The following USP32 variants were observed in gnomAD, a reference collection of about 807,000 sequenced individuals.
USP32 encodes the protein ubiquitin carboxyl-terminal hydrolase 32.
USP32 carries 59 observed loss-of-function variants against 204.8 expected under a neutral mutation model. That is an observed-to-expected ratio of 0.29 (90% CI 0.23 to 0.36). The LOEUF is 0.36. USP32 is among the 10% of genes least tolerant of loss of function. The pLI, the probability that USP32 is intolerant of heterozygous loss-of-function variation, is 1.00. For missense variants in USP32, 1,160 were observed against 1,946.4 expected (o/e 0.60, Z 7.60); for synonymous variants, 517 against 678.4 (o/e 0.76, Z 3.70).
chr17:60,288,578 G>A lies in USP32; in HGVS notation c.516C>T (p.Leu172=). The part of the protein sequence containing the change: ...WLLSGGVYVT[L]TDDSDTPTFY... The stretch of plus-strand genomic sequence containing the variant: ...AAGTAGGAGTATCACTATCATCAGT[G>A]AGGGTAACATACACACCTCCAGATA... Residue 172 remains leucine, a synonymous_variant, in exon 5 of 34, where the codon CTC becomes CTT. Coordinates refer to ENST00000300896, the MANE Select transcript of USP32 (RefSeq NM_032582.4). The A allele has an allele frequency of 6.2e-7, 1 of 1,612,950 alleles. No individual in the cohort carries two copies. Among genetic ancestry groups the A allele is most frequent in the South Asian group, 1.1e-5 (1 of 90,932 alleles).
chr17:60,279,654 T>C (rs1439136575), intron 5 of USP32, among the ~76,000 whole-genome samples: 1 of 151,460 alleles, frequency 6.6e-6, no homozygotes, highest in Non-Finnish European at 1.5e-5. Flanking sequence ...CCGGGCAACA[T>C]GGTAAAACCC....
intron 2 of USP32, chr17:60,304,908 A>C (rs942320596): frequency 6.6e-6 from 1 of 152,226 alleles, no homozygotes; most frequent in Non-Finnish European, 1.5e-5. Context: ...GTTATTTACC[A>C]GTATTAAGCC....
chr17:60,288,025 A>G (rs2087163439), intron 5 of USP32, among the ~76,000 whole-genome samples: 2 of 139,022 alleles, frequency 1.4e-5, no homozygotes, highest in African/African-American at 2.7e-5. Context: ...GAGGCAGGAG[A>G]ATGGCGTGAA....
intron 1 of USP32, among the ~76,000 whole-genome samples, chr17:60,409,090 G>A (rs1184047143): frequency 6.6e-6 from 1 of 152,208 alleles, no homozygotes; most frequent in African/African-American, 2.4e-5. Context: ...GCTCATGCCT[G>A]TAATCCCAGC....
chr17:60,330,810 A>G (rs558682227), intron 2 of USP32, among the ~76,000 whole-genome samples: 1 of 152,290 alleles, frequency 6.6e-6, no homozygotes, highest in Admixed American at 6.5e-5. Flanking sequence ...TCATATCATA[A>G]GGAAAAGACA....
At chr17:60,215,746 AAC>A in intron 16 of USP32, among the ~76,000 whole-genome samples, 1 of 152,336 alleles carries the variant, frequency 6.6e-6, no homozygotes, top group South Asian at 2.1e-4. Flanking sequence ...TACATAGCCA[AAC>A]AGAGTTTTTT....
intron 30 of USP32, among the ~76,000 whole-genome samples, chr17:60,183,730 T>C (rs1259144234): frequency 2.6e-5 from 4 of 152,220 alleles, no homozygotes; most frequent in Non-Finnish European, 5.9e-5. Flanking sequence ...GTTGCTCTTC[T>C]AGAGTCCACA....
intron 1 of USP32, among the ~76,000 whole-genome samples, chr17:60,390,682 A>C (rs1254961860): frequency 6.6e-6 from 1 of 152,230 alleles, no homozygotes; most frequent in East Asian, 1.9e-4. Context: ...ATATACGAAC[A>C]AGAGTTCACT....
rs549477065 is a variant in USP32, at chr17:60,217,275, T to C, written c.1867+2395A>G. ...TACCTACTAAAAGTGCAACAACACA[T>C]CTTGCCTCTCATGTTATCTTTCTTT... On this transcript the variant is annotated intron_variant, in intron 16 of 33. Coordinates refer to ENST00000300896, the MANE Select transcript of USP32 (RefSeq NM_032582.4). Among the ~76,000 whole-genome samples the C allele has an allele frequency of 2.6e-5, 4 of 152,096 alleles. No homozygotes were observed. The South Asian group carries it at 8.3e-4, about 32-fold the overall frequency.
chr17:60,414,380 G>A (rs962636046), intron 1 of USP32, among the ~76,000 whole-genome samples: 1 of 150,920 alleles, frequency 6.6e-6, no homozygotes, highest in Non-Finnish European at 1.5e-5. Flanking sequence ...GTTTCTATAG[G>A]GAATAAAATA....
At chr17:60,389,974 G>A (rs1266076387) in intron 1 of USP32, among the ~76,000 whole-genome samples, 1 of 151,872 alleles carries the variant, frequency 6.6e-6, no homozygotes, top group African/African-American at 2.4e-5. Context: ...CCGAGATCGC[G>A]CCACTGCACT....
intron 11 of USP32, chr17:60,245,598 G>A: frequency 3.1e-6 from 1 of 317,748 alleles, no homozygotes; most frequent in Non-Finnish European, 6.0e-6. Flanking sequence ...GAAATTCTTG[G>A]TTCTCTTTTT....
Position 60,223,513 on chromosome 17 carries a change from G to A in USP32, c.1506C>T (p.Asn502=), listed in dbSNP as rs2145575047. Residue 502 remains asparagine, a synonymous_variant, in exon 14 of 34, where the codon AAC becomes AAT. Transcript: ENST00000300896. ...TCCCATTGGCTCCCAGCAAACACTG[G>A]TTGTTATTGTCAGAAGTGTTATGTT... ...ARQHNTSDNN[N]QCLLGANGNI... 1.2e-6 allele frequency: 2 copies of A among 1,613,848 alleles called. No homozygotes were observed. Among genetic ancestry groups the A allele is most frequent in the South Asian group, 1.1e-5 (1 of 91,026 alleles).
At chr17:60,245,390 G>T in intron 11 of USP32, 1 of 404,716 alleles carries the variant, frequency 2.5e-6, no homozygotes. Context: ...GAAACACTGT[G>T]GGCAATCTCA....
intron 9 of USP32, among the ~76,000 whole-genome samples, chr17:60,262,399 C>T (rs1363066413): frequency 6.6e-6 from 1 of 152,152 alleles, no homozygotes; most frequent in South Asian, 2.1e-4. Flanking sequence ...GCCATGTTGG[C>T]CAGGCTGGTC....
In USP32 at chr17:60,359,928, C is replaced by T. The variant is rs935862061; in HGVS notation, c.59-14320G>A. On this transcript the variant is annotated intron_variant, in intron 1 of 33. Coordinates refer to ENST00000300896, the MANE Select transcript of USP32 (RefSeq NM_032582.4). ...TGTTGCCCAGGCTGGAGTACAGTGG[C>T]GCAGTCTCGGCTCACAGCAAGCTCC... Among the ~76,000 whole-genome samples the T allele has an allele frequency of 5.4e-5, 8 of 149,256 alleles. No homozygotes were observed. In the East Asian group the frequency reaches 9.9e-4, roughly 19 times the overall value.
intron 27 of USP32, 50 bp from the exon 28 acceptor site, chr17:60,192,980 G>A (rs1337161568): frequency 6.3e-7 from 1 of 1,589,430 alleles, no homozygotes; most frequent in Non-Finnish European, 8.6e-7. Context: ...CTGGTTCGAG[G>A]TCCAACTCCT....
intron 27 of USP32, among the ~76,000 whole-genome samples, chr17:60,197,277 A>C (rs529846046): frequency 6.6e-6 from 1 of 152,170 alleles, no homozygotes; most frequent in Non-Finnish European, 1.5e-5. Context: ...AGTTACCATA[A>C]AACAGAACTC....
chr17:60,226,006 C>G, intron 13 of USP32, 33 bp downstream of exon 13: 1 of 1,530,632 alleles, frequency 6.5e-7, no homozygotes. Flanking sequence ...GGGGAATAAA[C>G]CAATAAACCT....
Sources: allele counts gnomAD v4.1 joint callset (sites outside exome capture counted in the v4.1 genomes callset), GRCh38; gene constraint gnomAD v4.1.1; transcripts MANE v1.5; gene names NCBI Gene and HGNC (gene_info 2026-07-23, HGNC 2026-07-21).